Variants in NOX4 observed in about 807,000 individuals in gnomAD.
NOX4 encodes the protein NADPH oxidase 4.
NOX4 carries 69 observed loss-of-function variants against 87.6 expected under a neutral mutation model. That is an observed-to-expected ratio of 0.79 (90% CI 0.65 to 0.96). The LOEUF (loss-of-function observed/expected upper bound fraction) is 0.96, where lower values mean the gene tolerates loss of function less well. NOX4 is among the 40% of genes least tolerant of loss of function. The pLI is 0.00. For synonymous variants in NOX4, 275 were observed against 238.2 expected (o/e 1.15, Z -1.42); for missense variants, 680 against 681.5 (o/e 1.00, Z 0.02).
At chr11:89,363,864 A>C (rs1321248277) in intron 12 of NOX4, among the ~76,000 whole-genome samples, 1 of 152,138 alleles carries the variant, frequency 6.6e-6, no homozygotes, top group Non-Finnish European at 1.5e-5. Flanking sequence ...GTAACAATAT[A>C]ATAGTAACAA....
intron 11 of NOX4, among the ~76,000 whole-genome samples, chr11:89,373,746 A>G (rs1255705636): frequency 6.6e-6 from 1 of 152,084 alleles, no homozygotes; most frequent in East Asian, 1.9e-4. Flanking sequence ...TAAAATTGCT[A>G]GTGTATTTCA....
chr11:89,569,719 T>C, the NOX4 span, among the ~76,000 whole-genome samples: 2 of 152,032 alleles, frequency 1.3e-5, no homozygotes, highest in African/African-American at 4.8e-5. Context: ...ATACAAATGT[T>C]CTGGCCGGGT....
chr11:89,478,860 G>C (rs1004015333), intron 2 of NOX4, among the ~76,000 whole-genome samples: 2 of 151,840 alleles, frequency 1.3e-5, no homozygotes, highest in African/African-American at 2.4e-5. Context: ...TTCAGTGATG[G>C]GTTCTACACA....
At chr11:89,543,496 T>A in the NOX4 span, among the ~76,000 whole-genome samples, 2 of 152,104 alleles carry the variant, frequency 1.3e-5, no homozygotes, top group African/African-American at 4.8e-5. Flanking sequence ...CAGAAAAATG[T>A]AAGTATTCTC....
At chr11:89,507,259 T>A in the NOX4 span, among the ~76,000 whole-genome samples, 1 of 151,794 alleles carries the variant, frequency 6.6e-6, no homozygotes, top group African/African-American at 2.4e-5. Flanking sequence ...CATGGGTGTA[T>A]CCATATGTCA....
intron 1 of NOX4, 136 bp downstream of exon 1, chr11:89,491,054 A>G (rs1946831879): frequency 1.2e-6 from 1 of 861,852 alleles, no homozygotes; most frequent in Non-Finnish European, 1.9e-6. Flanking sequence ...CTCCAGCATA[A>G]AGTTTTGTAA....
At chr11:89,503,345 A>C in the NOX4 span, among the ~76,000 whole-genome samples, 1 of 152,002 alleles carries the variant, frequency 6.6e-6, no homozygotes, top group Non-Finnish European at 1.5e-5. Flanking sequence ...CTGAGTGATG[A>C]TACTCATTAA....
At chr11:89,333,376 T>C (rs1380274252) in intron 17 of NOX4, among the ~76,000 whole-genome samples, 1 of 151,326 alleles carries the variant, frequency 6.6e-6, no homozygotes, top group Non-Finnish European at 1.5e-5. Context: ...TAAATATATA[T>C]CACACACACA....
At position 89,401,052 on chromosome 11, in the gene NOX4, C is replaced by CT. The variant is rs759828562; in HGVS notation, c.847-674dup. ...TGCAAACTTTGGGAAGTGCAGAAGCCTATGTGGCTTACTGTTCTCCTAAAA... is the reference window on the plus strand; with the variant it reads ...TGCAAACTTTGGGAAGTGCAGAAGCCTTATGTGGCTTACTGTTCTCCTAAAA... On this transcript the variant is annotated intron_variant, in intron 9 of 17. Transcript: ENST00000263317. 2.0e-4 allele frequency among the ~76,000 whole-genome samples: 30 copies of CT among 152,208 alleles called. No homozygotes were observed. In the South Asian group the frequency reaches 2.3e-3, roughly 12 times the overall value.
At chr11:89,483,618 T>G (rs1591364008) in intron 2 of NOX4, among the ~76,000 whole-genome samples, 2 of 150,332 alleles carry the variant, frequency 1.3e-5, no homozygotes, top group African/African-American at 2.5e-5. Context: ...TGGGAGGGGG[T>G]TGGGTAGCTG....
chr11:89,566,456 T>C, the NOX4 span, among the ~76,000 whole-genome samples: 5 of 152,364 alleles, frequency 3.3e-5, no homozygotes, highest in East Asian at 9.6e-4. Context: ...TAGGAGGTTT[T>C]ATATAATAGT....
chr11:89,331,012 T>G (rs1345903139), intron 17 of NOX4, among the ~76,000 whole-genome samples: 2 of 151,996 alleles, frequency 1.3e-5, no homozygotes, highest in Non-Finnish European at 2.9e-5. Context: ...TTGTAGAATG[T>G]TCTATCTAAC....
At chr11:89,558,938 C>T in the NOX4 span, among the ~76,000 whole-genome samples, 20 of 152,034 alleles carry the variant, frequency 1.3e-4, no homozygotes, top group Admixed American at 3.9e-4. Flanking sequence ...GGAATTAACA[C>T]TCTCAATTTT....
chr11:89,486,030 C>T (rs1946575730), intron 2 of NOX4, among the ~76,000 whole-genome samples: 1 of 151,818 alleles, frequency 6.6e-6, no homozygotes, highest in Non-Finnish European at 1.5e-5. Flanking sequence ...ATATTAATCC[C>T]AATGTTATAT....
intron 2 of NOX4, among the ~76,000 whole-genome samples, chr11:89,465,913 C>T (rs1279146632): frequency 2.0e-5 from 3 of 151,946 alleles, no homozygotes; most frequent in Non-Finnish European, 4.4e-5. Context: ...AAATTTTCTC[C>T]CATTCTGTAG....
rs553148993 is a variant in NOX4 at position 89,361,190 on chromosome 11, G to GAACC, written c.1136-6151_1136-6148dup. ...CACAATTCACAACAATAAAGATATGGAACCAACCTAAGCACCCATCAACTA... is the reference window on the plus strand; with the variant it reads ...CACAATTCACAACAATAAAGATATGGAACCAACCAACCTAAGCACCCATCAACTA... On this transcript the variant is annotated intron_variant, in intron 12 of 17. Coordinates refer to ENST00000263317, the MANE Select transcript of NOX4 (RefSeq NM_016931.5). Among the ~76,000 whole-genome samples the GAACC allele has an allele frequency of 1.7e-4, 26 of 152,096 alleles. 1 individual carries two copies. The East Asian group carries it at 4.5e-3, about 26-fold the overall frequency.
At chr11:89,493,153 G>A (rs575090651), upstream of NOX4, among the ~76,000 whole-genome samples, 1 of 152,290 alleles carries the variant, frequency 6.6e-6, no homozygotes, top group East Asian at 1.9e-4. Flanking sequence ...TTGGGAGGCC[G>A]AGGCGGGTGG....
intron 2 of NOX4, among the ~76,000 whole-genome samples, chr11:89,482,937 A>G (rs968311970): frequency 3.9e-5 from 6 of 152,054 alleles, no homozygotes; most frequent in African/African-American, 1.4e-4. Context: ...GATTGAGAGC[A>G]TGGTGTTCAG....
chr11:89,440,469 G>T (rs319032), intron 6 of NOX4, among the ~76,000 whole-genome samples: 61,144 of 151,656 alleles, frequency 0.4, 12,757 homozygotes, highest in East Asian at 0.52. Flanking sequence ...ACAGGCACTT[G>T]CCACCCACCA....
Sources: allele counts gnomAD v4.1 joint callset (sites outside exome capture counted in the v4.1 genomes callset), GRCh38; gene constraint gnomAD v4.1.1; transcripts MANE v1.5; gene names NCBI Gene and HGNC (gene_info 2026-07-23, HGNC 2026-07-21).